The following TERF2IP variants were observed in gnomAD, a reference collection of about 807,000 sequenced individuals.
TERF2IP encodes TERF2 interacting protein.
TERF2IP carries 35 observed loss-of-function variants against 33.3 expected under a neutral mutation model. That is an observed-to-expected ratio of 1.05 (90% CI 0.80 to 1.39). The LOEUF is 1.39. Among genes scored for constraint, TERF2IP ranks in the 40% most tolerant of loss-of-function variants. The pLI is 0.00. For missense variants in TERF2IP, 583 were observed against 524.8 expected (o/e 1.11, Z -1.08); for synonymous variants, 253 against 223.2 (o/e 1.13, Z -1.19).
In TERF2IP at chr16:75,652,288, A is replaced by G. The variant is rs116160800; in HGVS notation, c.671-1985A>G. Reference sequence around the variant, plus strand: ...ACTTAATCTGTGGTTTACTTTTTTTAAACTTAATTATTTATCTTGAAGTGT... The same window carrying G: ...ACTTAATCTGTGGTTTACTTTTTTTGAACTTAATTATTTATCTTGAAGTGT... On this transcript the variant is annotated intron_variant, in intron 1 of 2. Transcript: ENST00000300086. 4.0e-3 allele frequency among the ~76,000 whole-genome samples: 603 copies of G among 152,268 alleles called. 5 individuals carry two copies. Among genetic ancestry groups the G allele is most frequent in the African/African-American group, 0.014 (566 of 41,558 alleles).
chr16:75,656,757 T>G lies in TERF2IP; in HGVS notation c.*146T>G, dbSNP rs1392526061. On this transcript the variant is annotated 3_prime_UTR_variant, in exon 3 of 3. Coordinates refer to ENST00000300086, the MANE Select transcript of TERF2IP (RefSeq NM_018975.4). ...GCTGTTGCTCTGTGAGTCCTAGATT[T>G]TTGTAGCCAAGCAGAGTTGTAGAGG... The G allele has an allele frequency of 6.7e-6, 5 of 747,710 alleles. No individual in the cohort carries two copies. Among genetic ancestry groups the G allele is most frequent in the Non-Finnish European group, 1.1e-5 (5 of 464,872 alleles). 46.3% of individuals were successfully genotyped at this position (747,710 alleles called of 1,614,324 possible).
At chr16:75,653,231 A>C (rs2082360082) in intron 1 of TERF2IP, among the ~76,000 whole-genome samples, 2 of 152,194 alleles carry the variant, frequency 1.3e-5, no homozygotes, top group Non-Finnish European at 2.9e-5. Context: ...ACATGGGTAT[A>C]ACTAGTATCT....
chr16:75,648,770 G>C, intron 1 of TERF2IP: 2 of 1,334,522 alleles, frequency 1.5e-6, no homozygotes, highest in Non-Finnish European at 2.0e-6. Flanking sequence ...ACCTAAGCTG[G>C]TCTGAACTCC....
chr16:75,656,159 A>G, intron 2 of TERF2IP, 48 bp from the exon 3 acceptor site: 1 of 1,533,328 alleles, frequency 6.5e-7, no homozygotes, highest in African/African-American at 1.4e-5. Context: ...ATTGTAAGAA[A>G]TCAAGACTTG....
At position 75,656,634 on chromosome 16, in the gene TERF2IP, A is replaced by G. The variant is rs779236005; in HGVS notation, c.*23A>G. Reference sequence around the variant, plus strand: ...TAATTGGCAAGATAATGAGAAAAGAAAAAAGTCATGGTAGGTGAGGTGGTT... The same window carrying G: ...TAATTGGCAAGATAATGAGAAAAGAGAAAAGTCATGGTAGGTGAGGTGGTT... On this transcript the variant is annotated 3_prime_UTR_variant, in exon 3 of 3. Coordinates refer to ENST00000300086, the MANE Select transcript of TERF2IP (RefSeq NM_018975.4). 2.5e-6 allele frequency: 4 copies of G among 1,570,716 alleles called. No homozygotes were observed. Among genetic ancestry groups the G allele is most frequent in the Middle Eastern group, 1.9e-4 (1 of 5,240 alleles).
At position 75,648,379 on chromosome 16, in the gene TERF2IP, C is replaced by A; in HGVS notation, c.497C>A (p.Ala166Glu). The A allele has an allele frequency of 6.2e-7, 1 of 1,605,904 alleles. No homozygotes were observed. The highest frequency in any genetic ancestry group is 2.2e-5 in the East Asian group (1 of 44,588). The change falls in exon 1 of 3, where the codon GCG becomes GAG. Residue 166 changes from alanine to glutamate, a missense_variant. Transcript: ENST00000300086. ...SSVTGNALWK[A>E]MEKSSLTQHS... The stretch of plus-strand genomic sequence containing the variant: ...GTCACCGGTAACGCCTTGTGGAAAG[C>A]GATGGAGAAGAGCTCGCTCACGCAG...
At chr16:75,655,723 G>C (rs1244422517) in intron 2 of TERF2IP, among the ~76,000 whole-genome samples, 1 of 152,098 alleles carries the variant, frequency 6.6e-6, no homozygotes, top group Non-Finnish European at 1.5e-5. Flanking sequence ...AGTGCTTTTT[G>C]AGTACTTACT....
intron 1 of TERF2IP, among the ~76,000 whole-genome samples, chr16:75,651,400 T>A (rs971424582): frequency 6.6e-6 from 1 of 152,078 alleles, no homozygotes; most frequent in African/African-American, 2.4e-5. Flanking sequence ...TAAATGAAAG[T>A]AAATCAGACC....
chr16:75,653,155 A>G (rs1025508253), intron 1 of TERF2IP, among the ~76,000 whole-genome samples: 4 of 152,146 alleles, frequency 2.6e-5, no homozygotes, highest in Non-Finnish European at 5.9e-5. Context: ...TTGTTTTTCC[A>G]TTAATGTATC....
intron 1 of TERF2IP, 161 bp downstream of exon 1, chr16:75,648,713 C>T: frequency 2.1e-6 from 3 of 1,431,668 alleles, no homozygotes; most frequent in South Asian, 3.0e-5. Context: ...TGCCTTCTCG[C>T]TCCCTTGTTG....
intron 1 of TERF2IP, among the ~76,000 whole-genome samples, chr16:75,649,022 C>T (rs1462783600): frequency 6.6e-6 from 1 of 151,696 alleles, no homozygotes; most frequent in East Asian, 1.9e-4. Context: ...CCACCACGTC[C>T]CGCTAAATTA....
At chr16:75,655,979 TCACACACACGTGCA>T (rs148768001) in intron 2 of TERF2IP, among the ~76,000 whole-genome samples, 2,111 of 152,058 alleles carry the variant, frequency 0.014, 28 homozygotes, top group Middle Eastern at 0.061. Flanking sequence ...CCCCTACCCC[TCACACACACGTGCA>T]CACACACACG....
intron 1 of TERF2IP, among the ~76,000 whole-genome samples, chr16:75,651,005 A>G (rs777379956): frequency 1.3e-5 from 2 of 152,222 alleles, no homozygotes; most frequent in African/African-American, 2.4e-5. Flanking sequence ...GATATGAATG[A>G]ATATATCAGT....
intron 1 of TERF2IP, among the ~76,000 whole-genome samples, chr16:75,650,995 G>A (rs2082343053): frequency 6.6e-6 from 1 of 152,150 alleles, no homozygotes; most frequent in African/African-American, 2.4e-5. Context: ...AGTAAGAGAA[G>A]ATATGAATGA....
intron 1 of TERF2IP, chr16:75,648,776 A>C: frequency 1.6e-6 from 2 of 1,279,032 alleles, no homozygotes; most frequent in Non-Finnish European, 2.0e-6. Context: ...GCTGGTCTGA[A>C]CTCCTGAGCT....
intron 1 of TERF2IP, among the ~76,000 whole-genome samples, chr16:75,650,204 A>G (rs2082336880): frequency 6.6e-6 from 1 of 152,198 alleles, no homozygotes; most frequent in Admixed American, 6.5e-5. Context: ...CTATAGAGAA[A>G]AATAATTCAG....
chr16:75,651,854 A>G (rs2082349873), intron 1 of TERF2IP, among the ~76,000 whole-genome samples: 1 of 152,072 alleles, frequency 6.6e-6, no homozygotes, highest in South Asian at 2.1e-4. Flanking sequence ...AAAATAGAAC[A>G]AAAGCTCCCC....
chr16:75,655,330 C>A (rs952820509), intron 2 of TERF2IP, among the ~76,000 whole-genome samples: 3 of 152,146 alleles, frequency 2.0e-5, no homozygotes, highest in East Asian at 3.8e-4. Context: ...AAGACAGGAG[C>A]CATACAATAA....
Position 75,647,776 on chromosome 16 carries a change from G to T in TERF2IP, c.-107G>T. On this transcript the variant is annotated 5_prime_UTR_variant, in exon 1 of 3. Coordinates refer to ENST00000300086, the MANE Select transcript of TERF2IP (RefSeq NM_018975.4). Reference sequence around the variant, plus strand: ...GCGGCTGCTGCTGCGCAGGCCCAGTGCTGCGCTTCGCGGCAGAGGCGTCTG... The same window carrying T: ...GCGGCTGCTGCTGCGCAGGCCCAGTTCTGCGCTTCGCGGCAGAGGCGTCTG... 1 of 1,562,738 alleles carries T rather than the reference G, an allele frequency of 6.4e-7. No homozygotes were observed. Among genetic ancestry groups the T allele is most frequent in the Non-Finnish European group, 8.8e-7 (1 of 1,137,946 alleles).
Sources: gnomAD v4.1 joint callset for allele counts (sites outside exome capture counted in the v4.1 genomes callset) on GRCh38, gnomAD v4.1.1 for gene constraint, MANE v1.5 for transcripts, NCBI Gene and HGNC (gene_info 2026-07-23, HGNC 2026-07-21) for gene names.